DOCK5: variants seen among roughly 807,000 people sequenced by gnomAD.
The protein encoded by DOCK5 is dedicator of cytokinesis 5.
DOCK5 carries 142 observed loss-of-function variants against 251.8 expected under a neutral mutation model. The observed-to-expected ratio is 0.56, with a 90% CI of 0.49 to 0.65. The LOEUF (loss-of-function observed/expected upper bound fraction) is 0.65, where lower values mean the gene tolerates loss of function less well. Ranked by LOEUF, DOCK5 falls within the 30% of genes least tolerant of loss-of-function variation. The pLI is 0.00. For synonymous variants in DOCK5, 842 were observed against 835.5 expected, an observed-to-expected ratio of 1.01 and a Z score of -0.13; for missense variants, 2,111 against 2,312.3, an observed-to-expected ratio of 0.91 and a Z score of 1.79.
chr8:25,317,632 A>G (rs1004959384), intron 14 of DOCK5, among the ~76,000 whole-genome samples: 1 of 152,090 alleles, frequency 6.6e-6, no homozygotes, highest in African/African-American at 2.4e-5. Flanking sequence ...TTTTTTTGAG[A>G]CGGAGTCTTG....
rs1194014446 is a variant in DOCK5, at chr8:25,411,422, T to C, written c.*124T>C. On this transcript the variant is annotated 3_prime_UTR_variant, in exon 52 of 52. Transcript: ENST00000276440. ...TGCATTTCCTGATCTGGGATGATGTTTACCAGCCCAAAACCAGTCATGTTC... is the reference window on the plus strand; with the variant it reads ...TGCATTTCCTGATCTGGGATGATGTCTACCAGCCCAAAACCAGTCATGTTC... 2 of 1,268,704 alleles carry C rather than the reference T, an allele frequency of 1.6e-6. No homozygotes were observed. Among genetic ancestry groups the C allele is most frequent in the Middle Eastern group, 2.4e-4 (1 of 4,170 alleles). The allele number at this position is 1,268,704 out of a possible 1,614,324, so 78.6% of individuals were successfully genotyped here. A position where few individuals can be genotyped will look rare whatever the true frequency, so the allele number is the denominator to read the frequency against.
At chr8:25,306,699 A>T (rs575336483) in intron 11 of DOCK5, among the ~76,000 whole-genome samples, 42 of 151,582 alleles carry the variant, frequency 2.8e-4, no homozygotes, top group South Asian at 2.1e-3. Context: ...GTCTGAAAAA[A>T]AAATAAATAA....
intron 13 of DOCK5, among the ~76,000 whole-genome samples, chr8:25,312,448 G>A (rs1250382754): frequency 3.3e-5 from 5 of 152,036 alleles, no homozygotes; most frequent in African/African-American, 4.8e-5. Context: ...GGATGCCAAG[G>A]GCTACATTGG....
intron 1 of DOCK5, among the ~76,000 whole-genome samples, chr8:25,215,215 A>G (rs891701168): frequency 1.3e-5 from 2 of 152,076 alleles, no homozygotes; most frequent in Non-Finnish European, 2.9e-5. Flanking sequence ...AAACAGGGGA[A>G]TTGGGTGACC....
chr8:25,380,375 A>G lies in DOCK5; in HGVS notation c.4007A>G (p.Glu1336Gly). ...TACGAAAGCAAAGTATTTGACTACGAGGGCCTTGGCAACCTCCTGGTGAGT... is the reference window on the plus strand; with the variant it reads ...TACGAAAGCAAAGTATTTGACTACGGGGGCCTTGGCAACCTCCTGGTGAGT... ...ETYESKVFDY[E>G]GLGNLLKKRA... The change falls in exon 39 of 52, where the codon GAG (glutamate) becomes GGG (glycine). Residue 1336 changes from glutamate to glycine, a missense_variant. Around this residue, in one of 3 missense-constraint regions of DOCK5, gnomAD observed 1,717 missense variants for 1,892.4 expected, o/e 0.91. Transcript: ENST00000276440. 6.2e-7 allele frequency: 1 copy of G among 1,610,128 alleles called. No individual in the cohort carries two copies.
chr8:25,188,313 A>C (rs924078442), intron 1 of DOCK5, among the ~76,000 whole-genome samples: 3 of 152,192 alleles, frequency 2.0e-5, no homozygotes, highest in Non-Finnish European at 2.9e-5. Context: ...TAGTTGGGAA[A>C]ATTGGCTTTC....
chr8:25,292,881 C>G (rs911913784), intron 6 of DOCK5, among the ~76,000 whole-genome samples: 2 of 152,204 alleles, frequency 1.3e-5, no homozygotes, highest in African/African-American at 4.8e-5. Context: ...CTCTTCATCT[C>G]CCCCTAACCG....
intron 33 of DOCK5, among the ~76,000 whole-genome samples, 167 bp downstream of exon 33, chr8:25,368,892 G>A (rs75229911): frequency 0.017 from 2,648 of 152,346 alleles, 74 homozygotes; most frequent in African/African-American, 0.061. Context: ...GAGTCAGACA[G>A]TGCAACCCAG....
rs1399208228 is a variant in DOCK5 at position 25,363,152 on chromosome 8, C to T, written c.3044+11C>T. On this transcript the variant is annotated intron_variant, in intron 29 of 51. Coordinates refer to ENST00000276440, the MANE Select transcript of DOCK5 (RefSeq NM_024940.8). The stretch of plus-strand genomic sequence containing the variant: ...TATGACTCAAAACAGGTGAGACAGC[C>T]CATGGCTGGCCCTGAGGCATTTGTC... 1 of 1,610,734 alleles carries T rather than the reference C, an allele frequency of 6.2e-7. No individual in the cohort carries two copies. The highest frequency in any genetic ancestry group is 1.3e-5 in the African/African-American group (1 of 74,852).
At chr8:25,244,274 G>C (rs1332900719) in intron 2 of DOCK5, among the ~76,000 whole-genome samples, 1 of 152,210 alleles carries the variant, frequency 6.6e-6, no homozygotes, top group Admixed American at 6.5e-5. Context: ...GAGGGCCGTG[G>C]TTCCATTAAC....
At chr8:25,266,040 G>A (rs1268482483) in intron 2 of DOCK5, among the ~76,000 whole-genome samples, 1 of 151,706 alleles carries the variant, frequency 6.6e-6, no homozygotes, top group Non-Finnish European at 1.5e-5. Flanking sequence ...TTTGCTTTTT[G>A]CAACTGTCAT....
chr8:25,393,541 C>T (rs1563229066), intron 44 of DOCK5, among the ~76,000 whole-genome samples: 1 of 152,178 alleles, frequency 6.6e-6, no homozygotes, highest in East Asian at 1.9e-4. Context: ...ATCTCCTAGG[C>T]AATCTGTTGG....
chr8:25,283,212 G>T (rs769314481), intron 5 of DOCK5, among the ~76,000 whole-genome samples: 45 of 152,266 alleles, frequency 3.0e-4, no homozygotes, highest in Non-Finnish European at 5.4e-4. Flanking sequence ...GACTCCCCCC[G>T]TGGTCTCTCT....
intron 2 of DOCK5, among the ~76,000 whole-genome samples, chr8:25,258,419 A>T (rs1453264305): frequency 2.0e-5 from 3 of 152,158 alleles, no homozygotes; most frequent in Non-Finnish European, 4.4e-5. Flanking sequence ...AACTGTAATT[A>T]CTTAAAATTG....
chr8:25,281,203 G>T (rs1332095028), intron 5 of DOCK5, among the ~76,000 whole-genome samples: 1 of 151,786 alleles, frequency 6.6e-6, no homozygotes, highest in Non-Finnish European at 1.5e-5. Context: ...GAGGACGGCG[G>T]ATCACTTGAG....
intron 27 of DOCK5, among the ~76,000 whole-genome samples, chr8:25,354,907 A>T (rs977000724): frequency 1.1e-4 from 17 of 152,190 alleles, no homozygotes; most frequent in Admixed American, 7.2e-4. Context: ...ATCACCAGGC[A>T]TCATGATACT....
chr8:25,397,041 G>A (rs528105261), intron 45 of DOCK5, among the ~76,000 whole-genome samples: 21 of 151,992 alleles, frequency 1.4e-4, no homozygotes, highest in Admixed American at 2.6e-4. Context: ...CGAACTTGGC[G>A]AAACCCTGTC....
Position 25,257,781 on chromosome 8 carries a change from ATC to A in DOCK5, c.128-11057_128-11056del, listed in dbSNP as rs144704232. Among the ~76,000 whole-genome samples the A allele has an allele frequency of 5.2e-3, 789 of 152,248 alleles. 5 individuals are homozygous for A. Among genetic ancestry groups the A allele is most frequent in the African/African-American group, 0.018 (747 of 41,546 alleles). Reference sequence around the variant, plus strand: ...CCTCATGTTGGTTGATTAATTGTACATCTCTCTCATTCGTCTTTCGAAGTCAT... The same window carrying A: ...CCTCATGTTGGTTGATTAATTGTACATCTCTCATTCGTCTTTCGAAGTCAT... On this transcript the variant is annotated intron_variant, in intron 2 of 51. Transcript: ENST00000276440.
At chr8:25,225,433 G>A (rs575156062) in intron 1 of DOCK5, among the ~76,000 whole-genome samples, 10 of 152,272 alleles carry the variant, frequency 6.6e-5, no homozygotes, top group East Asian at 3.9e-4. Context: ...AAATTCTGCC[G>A]TGGTGGCTCA....
Sources: gnomAD v4.1 joint callset for allele counts (sites outside exome capture counted in the v4.1 genomes callset) on GRCh38, gnomAD v4.1.1 for gene constraint, gnomAD v4.1.1 regional missense constraint, MANE v1.5 for transcripts, NCBI Gene and HGNC (gene_info 2026-07-23, HGNC 2026-07-21) for gene names.